The following CDC42BPA variants were observed in gnomAD, a reference collection of about 807,000 sequenced individuals.
The protein encoded by CDC42BPA is serine/threonine-protein kinase MRCK alpha.
Under a neutral mutation model 223.5 loss-of-function variants are expected in CDC42BPA, and 80 were observed. The ratio of observed to expected loss-of-function variants is 0.36; its 90% confidence interval spans 0.30 to 0.43. CDC42BPA has a LOEUF of 0.43. Among genes scored for constraint, CDC42BPA ranks in the 20% least tolerant of loss-of-function variants. CDC42BPA has a pLI of 1.00. For synonymous variants in CDC42BPA, 694 were observed against 718.6 expected, an observed-to-expected ratio of 0.97 and a Z score of 0.55; for missense variants, 1,743 against 2,099.9, an observed-to-expected ratio of 0.83 and a Z score of 3.32.
intron 5 of CDC42BPA, among the ~76,000 whole-genome samples, chr1:227,168,497 G>GTTTTTTTT (rs1292387936): frequency 0.015 from 1,216 of 80,086 alleles, 185 homozygotes; most frequent in African/African-American, 0.056. Flanking sequence ...CTTCCCTGGT[G>GTTTTTTTT]TTTTTTTTTT....
intron 2 of CDC42BPA, among the ~76,000 whole-genome samples, chr1:227,249,141 AG>A (rs1681522025): frequency 6.6e-6 from 1 of 152,208 alleles, no homozygotes; most frequent in African/African-American, 2.4e-5. Flanking sequence ...ACATACATAC[AG>A]GGAACTAATT....
intron 3 of CDC42BPA, among the ~76,000 whole-genome samples, chr1:227,210,684 T>C (rs1673720927): frequency 6.6e-6 from 1 of 152,210 alleles, no homozygotes; most frequent in African/African-American, 2.4e-5. Context: ...TTAATTCAAT[T>C]TTTTAAAAGT....
chr1:227,161,431 G>A (rs1663871159), intron 5 of CDC42BPA, among the ~76,000 whole-genome samples: 1 of 152,176 alleles, frequency 6.6e-6, no homozygotes, highest in Non-Finnish European at 1.5e-5. Context: ...AGAATCTCTG[G>A]AGAACCTATA....
intron 1 of CDC42BPA, among the ~76,000 whole-genome samples, chr1:227,286,342 T>C (rs1008211509): frequency 6.6e-6 from 1 of 152,228 alleles, no homozygotes; most frequent in Non-Finnish European, 1.5e-5. Context: ...GTCATCACTC[T>C]TAAGATCAGC....
chr1:227,224,497 G>C (rs1338982714), intron 2 of CDC42BPA, among the ~76,000 whole-genome samples: 1 of 152,118 alleles, frequency 6.6e-6, no homozygotes, highest in Non-Finnish European at 1.5e-5. Flanking sequence ...CTCCCAAAGT[G>C]CTGGGATTAG....
intron 6 of CDC42BPA, among the ~76,000 whole-genome samples, chr1:227,152,146 T>C (rs1661893598): frequency 6.6e-6 from 1 of 152,200 alleles, no homozygotes; most frequent in African/African-American, 2.4e-5. Context: ...ATTAGACATA[T>C]GATTTGCAAA....
intron 1 of CDC42BPA, among the ~76,000 whole-genome samples, chr1:227,288,812 T>C (rs1240412833): frequency 6.6e-6 from 1 of 151,560 alleles, no homozygotes; most frequent in African/African-American, 2.4e-5. Context: ...CTGGCCAACG[T>C]GGTGAAACCC....
At chr1:227,036,247 C>T (rs1201189652) in intron 24 of CDC42BPA, among the ~76,000 whole-genome samples, 2 of 152,020 alleles carry the variant, frequency 1.3e-5, no homozygotes, top group Non-Finnish European at 2.9e-5. Flanking sequence ...TACTGTGAAA[C>T]CAGCAGAGAG....
intron 5 of CDC42BPA, among the ~76,000 whole-genome samples, chr1:227,168,812 A>G (rs1447241873): frequency 6.6e-6 from 1 of 152,026 alleles, no homozygotes; most frequent in African/African-American, 2.4e-5. Context: ...GTGTTTCTTG[A>G]GCATCTCAAA....
At chr1:227,079,174 AC>A in intron 17 of CDC42BPA, among the ~76,000 whole-genome samples, 1 of 152,012 alleles carries the variant, frequency 6.6e-6, no homozygotes, top group East Asian at 1.9e-4. Context: ...GCTATCTATT[AC>A]TCCATTTCTA....
At chr1:227,017,561 C>T (rs573997102) in intron 32 of CDC42BPA, among the ~76,000 whole-genome samples, 4 of 152,010 alleles carry the variant, frequency 2.6e-5, no homozygotes, top group African/African-American at 4.8e-5. Flanking sequence ...CTATGAGATA[C>T]GGAGTAAAAA....
At chr1:227,051,851 T>G (rs1673582055) in intron 22 of CDC42BPA, 30 bp downstream of exon 22, 1 of 1,250,258 alleles carries the variant, frequency 8.0e-7, no homozygotes, top group South Asian at 1.2e-5. Context: ...AAGTGAAAAG[T>G]TGGGGAGCAG....
rs576276120 is a variant in CDC42BPA, at chr1:227,060,785, G to A, written c.2905-8800C>T. ...GTCACCCAGGTGGATGCAGTGGTGC[G>A]ATCTCGGCTCACTGCAACCTCTACC... On this transcript the variant is annotated intron_variant, in intron 21 of 36. Coordinates refer to ENST00000366766, the MANE Select transcript of CDC42BPA (RefSeq NM_001394014.1). 1.1e-4 allele frequency among the ~76,000 whole-genome samples: 16 copies of A among 141,392 alleles called. No homozygotes were observed. In the East Asian group the frequency reaches 1.6e-3, roughly 14 times the overall value. The allele number at this position is 141,392 out of a possible 152,430, so 92.8% of individuals were successfully genotyped here.
intron 21 of CDC42BPA, among the ~76,000 whole-genome samples, chr1:227,055,645 ATTCT>A (rs1250270032): frequency 6.6e-6 from 1 of 152,158 alleles, no homozygotes; most frequent in African/African-American, 2.4e-5. Flanking sequence ...AAGTTAAAAT[ATTCT>A]TTTTGTCATT....
chr1:227,005,206 A>G, intron 34 of CDC42BPA, 95 bp from the exon 35 acceptor site: 1 of 826,570 alleles, frequency 1.2e-6, no homozygotes, highest in South Asian at 1.5e-5. Flanking sequence ...CAAGAAATAA[A>G]ATCATCTTGA....
At chr1:227,088,785 G>A (rs1682482852) in intron 16 of CDC42BPA, among the ~76,000 whole-genome samples, 1 of 152,132 alleles carries the variant, frequency 6.6e-6, no homozygotes, top group Non-Finnish European at 1.5e-5. Flanking sequence ...GAGTGCAGTG[G>A]TGCGATCTCG....
chr1:227,227,110 T>C (rs1414604934), intron 2 of CDC42BPA, among the ~76,000 whole-genome samples: 1 of 152,034 alleles, frequency 6.6e-6, no homozygotes, highest in Non-Finnish European at 1.5e-5. Context: ...AAAAGGAAAC[T>C]ACTAGAAACA....
intron 16 of CDC42BPA, among the ~76,000 whole-genome samples, chr1:227,082,714 CAAAAAAAAAAAAAAA>C (rs71574595): frequency 1.0e-4 from 6 of 59,524 alleles, no homozygotes; most frequent in Admixed American, 1.6e-4. Context: ...GACTCTGTCT[CAAAAAAAAAAAAAAA>C]AAAAAAAAAA....
Position 227,311,624 on chromosome 1 carries a change from G to GA in CDC42BPA, c.178+5380dup, listed in dbSNP as rs751152708. 2.6e-4 allele frequency among the ~76,000 whole-genome samples: 40 copies of GA among 151,024 alleles called. No homozygotes were observed. The South Asian group carries it at 3.1e-3, about 12-fold the overall frequency. ...GCCCATTAGCCCAAACTCAGAAACG[G>GA]AAAAAAACAAAGGAAGAGACAATAA... is the stretch of plus-strand genomic sequence containing the variant. On this transcript the variant is annotated intron_variant, in intron 1 of 36. Transcript: ENST00000366766.
Sources: gnomAD v4.1 joint callset for allele counts (sites outside exome capture counted in the v4.1 genomes callset) on GRCh38, gnomAD v4.1.1 for gene constraint, MANE v1.5 for transcripts, NCBI Gene and HGNC (gene_info 2026-07-23, HGNC 2026-07-21) for gene names.